The following METTL16 variants were observed in gnomAD, a reference collection of about 807,000 sequenced individuals.
The protein encoded by METTL16 is methyltransferase 16, RNA N6-adenosine.
METTL16 carries 19 observed loss-of-function variants against 57.9 expected under a neutral mutation model. That is an observed-to-expected ratio of 0.33 (90% CI 0.23 to 0.48). The LOEUF is 0.48. METTL16 is among the 20% of genes least tolerant of loss of function. The pLI, the probability that METTL16 is intolerant of heterozygous loss-of-function variation, is 0.99. For missense variants in METTL16, 434 were observed against 691.5 expected (o/e 0.63, Z 4.18); for synonymous variants, 246 against 255.6 (o/e 0.96, Z 0.36).
intron 2 of METTL16, among the ~76,000 whole-genome samples, chr17:2,483,221 G>A (rs2067319283): frequency 6.6e-6 from 1 of 152,040 alleles, no homozygotes; most frequent in African/African-American, 2.4e-5. Context: ...AAGTATCCCA[G>A]ACAACTACAA....
At chr17:2,470,557 C>G (rs2067228649) in intron 4 of METTL16, among the ~76,000 whole-genome samples, 1 of 152,138 alleles carries the variant, frequency 6.6e-6, no homozygotes, top group African/African-American at 2.4e-5. Flanking sequence ...GCCTGTAACT[C>G]CAGCACTTTG....
intron 2 of METTL16, among the ~76,000 whole-genome samples, chr17:2,486,259 C>CACACCAGG (rs1005067846): frequency 6.6e-6 from 1 of 151,832 alleles, no homozygotes; most frequent in Non-Finnish European, 1.5e-5. Context: ...TATTAATAAT[C>CACACCAGG]ACACCAGGAT....
intron 8 of METTL16, among the ~76,000 whole-genome samples, chr17:2,434,502 C>G (rs2066896020): frequency 6.6e-6 from 1 of 152,216 alleles, no homozygotes; most frequent in African/African-American, 2.4e-5. Flanking sequence ...CATCAGCCAC[C>G]ACGGCCAGCC....
chr17:2,467,996 A>AT, intron 4 of METTL16, 120 bp from the exon 5 acceptor site: 1 of 672,804 alleles, frequency 1.5e-6, no homozygotes, highest in Non-Finnish European at 2.7e-6. Context: ...CCGTAAGATT[A>AT]TAACACCACA....
At position 2,419,877 on chromosome 17, in the gene METTL16, A is replaced by G; in HGVS notation, c.*93T>C. On this transcript the variant is annotated 3_prime_UTR_variant, in exon 10 of 10. Coordinates refer to ENST00000263092, the MANE Select transcript of METTL16 (RefSeq NM_024086.4). Reference sequence around the variant, plus strand: ...TTCGAAGATAATTCCACATCGTGCTACTAATGGGCCGCTGGTAGGATTCCT... The same window carrying G: ...TTCGAAGATAATTCCACATCGTGCTGCTAATGGGCCGCTGGTAGGATTCCT... The G allele has an allele frequency of 6.9e-7, 1 of 1,440,696 alleles. No homozygotes were observed. Among genetic ancestry groups the G allele is most frequent in the Middle Eastern group, 1.9e-4 (1 of 5,374 alleles). 89.2% of individuals were successfully genotyped at this position (1,440,696 alleles called of 1,614,324 possible). A position where few individuals can be genotyped will look rare whatever the true frequency, so the allele number is the denominator to read the frequency against.
chr17:2,424,102 AT>A (rs1179763267), intron 8 of METTL16: 6 of 74,088 alleles, frequency 8.1e-5, no homozygotes, highest in African/African-American at 2.9e-4. Context: ...ATTTTATTTT[AT>A]TTTATTTTAT....
intron 2 of METTL16, among the ~76,000 whole-genome samples, chr17:2,488,867 G>A (rs1446833113): frequency 1.3e-5 from 2 of 152,074 alleles, no homozygotes; most frequent in African/African-American, 4.8e-5. Flanking sequence ...ATTATTATTC[G>A]CGTACTGTAC....
chr17:2,485,111 C>G (rs1200008041), intron 2 of METTL16, among the ~76,000 whole-genome samples: 1 of 152,146 alleles, frequency 6.6e-6, no homozygotes, highest in Non-Finnish European at 1.5e-5. Context: ...TTCCATTGCT[C>G]ACATTACTGC....
chr17:2,461,282 G>A (rs545598685), intron 6 of METTL16, among the ~76,000 whole-genome samples: 1 of 152,118 alleles, frequency 6.6e-6, no homozygotes, highest in Admixed American at 6.5e-5. Flanking sequence ...GTTTGAAACT[G>A]GGAAGCAGAC....
At position 2,420,385 on chromosome 17, in the gene METTL16, C is replaced by A; in HGVS notation, c.1274G>T (p.Gly425Val). 1.2e-6 allele frequency: 2 copies of A among 1,613,268 alleles called. No individual in the cohort carries two copies. The highest frequency in any genetic ancestry group is 1.7e-6 in the Non-Finnish European group (2 of 1,179,990). The stretch of plus-strand genomic sequence containing the variant: ...CCCACAGGGGGTCCTCTCCTGGGGG[C>A]CCCTGGCCAGTTCTTGGCTATTGCC... ...ESGNSQELAR[G>V]PQERTPCGPA... is the part of the protein sequence containing the mutation. The change falls in exon 10 of 10, where the codon GGC becomes GTC. Residue 425 changes from glycine (G) to valine (V), a missense_variant. Gly to Val is a moderately radical substitution (Grantham distance 109). Coordinates refer to ENST00000263092, the MANE Select transcript of METTL16 (RefSeq NM_024086.4). The surrounding 1 kb of genome is among the most constrained non-coding windows in gnomAD (Gnocchi z 5.4).
At chr17:2,446,628 G>C (rs1027627438) in intron 6 of METTL16, among the ~76,000 whole-genome samples, 1 of 115,710 alleles carries the variant, frequency 8.6e-6, no homozygotes, top group Non-Finnish European at 1.6e-5. Flanking sequence ...CTCCCTCCAC[G>C]GTCTCCTTCC....
chr17:2,473,816 G>T, intron 3 of METTL16, 152 bp from the exon 4 acceptor site: 2 of 750,374 alleles, frequency 2.7e-6, no homozygotes, highest in Non-Finnish European at 4.0e-6. Flanking sequence ...ACGGTTCACT[G>T]CAGCCTCAAC....
chr17:2,446,466 A>T (rs1269584426), intron 6 of METTL16, among the ~76,000 whole-genome samples: 1 of 152,250 alleles, frequency 6.6e-6, no homozygotes, highest in Non-Finnish European at 1.5e-5. Context: ...CAGCAAGGCC[A>T]CAGAATGAAA....
chr17:2,497,305 C>T (rs1274942438), intron 2 of METTL16, among the ~76,000 whole-genome samples: 2 of 63,790 alleles, frequency 3.1e-5, no homozygotes, highest in Non-Finnish European at 2.7e-5. Flanking sequence ...TGCACCCGGC[C>T]TTTTTTTTTT....
At chr17:2,452,497 G>GA (rs920820193) in intron 6 of METTL16, among the ~76,000 whole-genome samples, 4 of 149,994 alleles carry the variant, frequency 2.7e-5, no homozygotes, top group Admixed American at 1.3e-4. Context: ...AATGCAAGTG[G>GA]AAAAAAAAAT....
intron 4 of METTL16, among the ~76,000 whole-genome samples, chr17:2,469,736 G>A (rs903624810): frequency 1.3e-5 from 2 of 152,112 alleles, no homozygotes; most frequent in African/African-American, 4.8e-5. Context: ...TGTTGGTCAG[G>A]CTGGTCTCAA....
At chr17:2,449,447 ATCC>A (rs1313121446) in intron 6 of METTL16, among the ~76,000 whole-genome samples, 5 of 152,188 alleles carry the variant, frequency 3.3e-5, no homozygotes, top group Non-Finnish European at 7.3e-5. Context: ...GATGCAAGCA[ATCC>A]TCCTGCCTCA....
chr17:2,461,409 T>C (rs1419096765), intron 6 of METTL16, among the ~76,000 whole-genome samples: 1 of 152,038 alleles, frequency 6.6e-6, no homozygotes, highest in Non-Finnish European at 1.5e-5. Flanking sequence ...GGATATTTGA[T>C]GATTTTGGAA....
At chr17:2,463,765 TCTTTATCTG>T (rs1194956286) in intron 6 of METTL16, among the ~76,000 whole-genome samples, 7 of 151,918 alleles carry the variant, frequency 4.6e-5, no homozygotes, top group Non-Finnish European at 1.0e-4. Context: ...CAGCCTGCAA[TCTTTATCTG>T]CTTGTTCTTC....
Sources: allele counts gnomAD v4.1 joint callset (sites outside exome capture counted in the v4.1 genomes callset), GRCh38; gene constraint gnomAD v4.1.1; non-coding constraint Gnocchi (gnomAD v3.1); transcripts MANE v1.5; gene names NCBI Gene and HGNC (gene_info 2026-07-23, HGNC 2026-07-21).